Variants in NUP214 observed in about 807,000 individuals in gnomAD.
NUP214 encodes the protein nuclear pore complex protein Nup214.
NUP214 carries 79 observed loss-of-function variants against 196.2 expected under a neutral mutation model. That is an observed-to-expected ratio of 0.40 (90% CI 0.34 to 0.49). NUP214 has a LOEUF of 0.49. NUP214 is among the 20% of genes least tolerant of loss of function. NUP214 has a pLI of 0.58. For missense variants in NUP214, 2,468 were observed against 2,539.0 expected (o/e 0.97, Z 0.60); for synonymous variants, 1,020 against 990.5 (o/e 1.03, Z -0.56).
intron 16 of NUP214, 90 bp from the exon 17 acceptor site, chr9:131,151,646 G>A: frequency 1.1e-6 from 1 of 938,210 alleles, no homozygotes; most frequent in Non-Finnish European, 1.6e-6. Flanking sequence ...TGTTCAGTGA[G>A]CGTTTGAGAA....
intron 22 of NUP214, among the ~76,000 whole-genome samples, chr9:131,175,101 T>C (rs1294710006): frequency 1.3e-5 from 2 of 152,192 alleles, no homozygotes; most frequent in Non-Finnish European, 2.9e-5. Context: ...CCCCACACTT[T>C]CAGTACAGTG....
At chr9:131,138,761 G>A (rs1025289677) in intron 9 of NUP214, among the ~76,000 whole-genome samples, 9 of 152,206 alleles carry the variant, frequency 5.9e-5, no homozygotes, top group Non-Finnish European at 1.5e-5. Context: ...CAAGAACTGG[G>A]AAGAAGAACT....
At chr9:131,184,032 T>TTC (rs1554735253) in intron 24 of NUP214, among the ~76,000 whole-genome samples, 8 of 138,346 alleles carry the variant, frequency 5.8e-5, no homozygotes, top group Admixed American at 5.0e-4. Flanking sequence ...TTTTCTTTTT[T>TTC]TTTTTTTTTT....
intron 33 of NUP214, 102 bp downstream of exon 33, chr9:131,228,433 G>C: frequency 1.7e-6 from 2 of 1,164,988 alleles, no homozygotes; most frequent in Non-Finnish European, 2.3e-6. Flanking sequence ...TGAGGTGAAG[G>C]CCCCTCCCTT....
chr9:131,224,496 A>T (rs1211031970), intron 32 of NUP214, among the ~76,000 whole-genome samples: 1 of 152,182 alleles, frequency 6.6e-6, no homozygotes, highest in Non-Finnish European at 1.5e-5. Flanking sequence ...TATGCAGGGG[A>T]TGCTCTGAAA....
intron 7 of NUP214, among the ~76,000 whole-genome samples, 197 bp from the exon 8 acceptor site, chr9:131,134,701 G>C (rs987429989): frequency 6.6e-6 from 1 of 152,138 alleles, no homozygotes. Flanking sequence ...GCAGAACAGA[G>C]TTTAAATGCA....
At chr9:131,193,629 CTTTTTTTTTTTTTTTTTTTTTTTT>C (rs71389402) in intron 27 of NUP214, among the ~76,000 whole-genome samples, 1 of 28,218 alleles carries the variant, frequency 3.5e-5, no homozygotes, top group Non-Finnish European at 6.5e-5. Context: ...TCTTCCTTTT[CTTTTTTTTTTTTTTTTTTTTTTTT>C]TTTTTTTTTG....
chr9:131,199,688 A>G (rs923529504), intron 29 of NUP214, among the ~76,000 whole-genome samples: 9 of 152,234 alleles, frequency 5.9e-5, no homozygotes, highest in Non-Finnish European at 1.2e-4. Context: ...CAATTTGAAA[A>G]TCTGTCCTGA....
chr9:131,175,576 G>C lies in NUP214; in HGVS notation c.3274G>C (p.Ala1092Pro), dbSNP rs752806960. Residue 1092 changes from alanine (A) to proline (P), a missense_variant, in exon 23 of 36, where the codon GCT (alanine) becomes CCT (proline). By Grantham distance (27) the Ala-to-Pro change is conservative. Transcript: ENST00000359428. ...CCACCCCATCTCAGCCCCGCAGGCA[G>C]CTGCCGCAGCAGCACTCAGGCGGCA... ...PSHPISAPQA[A>P]AAAALRRQMA... 2 of 1,614,172 alleles carry C rather than the reference G, an allele frequency of 1.2e-6. No homozygotes were observed. Among genetic ancestry groups the C allele is most frequent in the East Asian group, 4.5e-5 (2 of 44,874 alleles).
chr9:131,145,680 A>G (rs1832068061), intron 12 of NUP214, among the ~76,000 whole-genome samples: 1 of 152,156 alleles, frequency 6.6e-6, no homozygotes, highest in South Asian at 2.1e-4. Context: ...TAAGTATCCC[A>G]AAGACAGTTC....
At chr9:131,179,409 G>A (rs190530004) in intron 24 of NUP214, among the ~76,000 whole-genome samples, 1 of 152,282 alleles carries the variant, frequency 6.6e-6, no homozygotes, top group East Asian at 1.9e-4. Flanking sequence ...GCTTTGCCCT[G>A]CATATTTTGT....
intron 30 of NUP214, among the ~76,000 whole-genome samples, chr9:131,204,818 A>G (rs1564209730): frequency 6.6e-6 from 1 of 152,224 alleles, no homozygotes; most frequent in East Asian, 1.9e-4. Flanking sequence ...GAGAATGCAT[A>G]AAAGGAAACT....
chr9:131,196,025 T>TCCCTCC (rs1554737949), intron 28 of NUP214, among the ~76,000 whole-genome samples: 3 of 3,668 alleles, frequency 8.2e-4, no homozygotes, highest in Non-Finnish European at 1.3e-3. Flanking sequence ...ACTCTGTGTG[T>TCCCTCC]CCCCCCCCCC....
chr9:131,188,541 G>A (rs1232255295), intron 25 of NUP214, among the ~76,000 whole-genome samples: 1 of 152,306 alleles, frequency 6.6e-6, no homozygotes, highest in African/African-American at 2.4e-5. Flanking sequence ...ACTTAAAATG[G>A]CATTTAAGCA....
intron 26 of NUP214, chr9:131,190,461 C>T: frequency 1.4e-6 from 1 of 693,360 alleles, no homozygotes; most frequent in Non-Finnish European, 2.6e-6. Context: ...GAGGTGTTCA[C>T]TTCTGTTTTC....
chr9:131,147,136 A>T (rs932535264), intron 13 of NUP214, among the ~76,000 whole-genome samples: 2 of 151,616 alleles, frequency 1.3e-5, no homozygotes. Flanking sequence ...ACAGGCATGT[A>T]CCACCACCGT....
At chr9:131,164,029 T>C in intron 20 of NUP214, 32 bp from the exon 21 acceptor site, 1 of 1,613,742 alleles carries the variant, frequency 6.2e-7, no homozygotes, top group East Asian at 2.2e-5. Context: ...AACTGAGTCT[T>C]AATCATTTAT....
chr9:131,224,256 T>C (rs1564220253), intron 32 of NUP214, among the ~76,000 whole-genome samples: 2 of 152,244 alleles, frequency 1.3e-5, no homozygotes, highest in Admixed American at 1.3e-4. Context: ...AAATTTTTAA[T>C]GAACAGTGTA....
intron 29 of NUP214, among the ~76,000 whole-genome samples, 158 bp downstream of exon 29, chr9:131,199,173 C>T (rs897808617): frequency 6.6e-6 from 1 of 152,182 alleles, no homozygotes; most frequent in African/African-American, 2.4e-5. Flanking sequence ...GTCTCAGGAA[C>T]TTGTTTGGCC....
Sources: gnomAD v4.1 joint callset for allele counts (sites outside exome capture counted in the v4.1 genomes callset) on GRCh38, gnomAD v4.1.1 for gene constraint, MANE v1.5 for transcripts, NCBI Gene and HGNC (gene_info 2026-07-23, HGNC 2026-07-21) for gene names.